SLC34A2: variants seen among roughly 807,000 people sequenced by gnomAD.
SLC34A2 encodes solute carrier family 34 member 2.
SLC34A2 carries 41 observed loss-of-function variants against 50.8 expected under a neutral mutation model. That is an observed-to-expected ratio of 0.81 (90% CI 0.63 to 1.05). The LOEUF is 1.05. Among genes scored for constraint, SLC34A2 ranks in the 50% least tolerant of loss-of-function variants. The probability of loss-of-function intolerance (pLI) is 0.00; values close to 1 mark genes in which losing one functional copy is unlikely to be tolerated. For missense variants in SLC34A2, 879 were observed against 876.7 expected (o/e 1.00, Z -0.03); for synonymous variants, 401 against 364.2 (o/e 1.10, Z -1.15).
chr4:25,664,385 G>A (rs537378197), intron 4 of SLC34A2, 55 bp downstream of exon 4: 100 of 1,605,412 alleles, frequency 6.2e-5, no homozygotes, highest in South Asian at 1.8e-4. Context: ...TTGAAATGTG[G>A]TTCCGAGAGT....
intron 1 of SLC34A2, among the ~76,000 whole-genome samples, chr4:25,661,352 T>C (rs987876511): frequency 6.6e-6 from 1 of 152,136 alleles, no homozygotes; most frequent in African/African-American, 2.4e-5. Flanking sequence ...GCCTGGGTGG[T>C]AGGTAAAACA....
In SLC34A2 at chr4:25,657,062, G is replaced by C. The variant is rs140475816; in HGVS notation, c.-4+1172G>C. ...GCTGATCATGATCTTCTCTGCTTTT[G>C]TAATTTGGGGAATGGGTGATAAGAA... On this transcript the variant is annotated intron_variant, in intron 1 of 12. Coordinates refer to ENST00000382051, the MANE Select transcript of SLC34A2 (RefSeq NM_006424.3). 4.9e-3 allele frequency among the ~76,000 whole-genome samples: 740 copies of C among 152,240 alleles called. 7 individuals carry two copies. The highest frequency in any genetic ancestry group is 0.017 in the African/African-American group (703 of 41,534).
Position 25,676,935 on chromosome 4 carries a change from C to T in SLC34A2, c.*186C>T. ...GGTAGGCCTGCAGGGCACTTTTATT[C>T]CAACCCCTGGTCACTCAGTAATCTT... On this transcript the variant is annotated 3_prime_UTR_variant, in exon 13 of 13. Coordinates refer to ENST00000382051, the MANE Select transcript of SLC34A2 (RefSeq NM_006424.3). 1.4e-6 allele frequency: 1 copy of T among 703,294 alleles called. No homozygotes were observed. The highest frequency in any genetic ancestry group is 2.4e-6 in the Non-Finnish European group (1 of 414,298). 43.6% of individuals were successfully genotyped at this position (703,294 alleles called of 1,614,324 possible). A position where few individuals can be genotyped will look rare whatever the true frequency, so the allele number is the denominator to read the frequency against.
intron 5 of SLC34A2, chr4:25,666,894 A>G (rs1714531481): frequency 6.6e-6 from 1 of 152,022 alleles, no homozygotes; most frequent in South Asian, 2.1e-4. Context: ...ACTGATTATT[A>G]TTATTTTTTT....
intron 1 of SLC34A2, among the ~76,000 whole-genome samples, chr4:25,662,162 G>A (rs1714225032): frequency 6.6e-6 from 1 of 152,152 alleles, no homozygotes; most frequent in African/African-American, 2.4e-5. Context: ...GTGAGCCACG[G>A]TGCCCGTTGC....
chr4:25,669,631 G>C lies in SLC34A2; in HGVS notation c.636-16G>C, dbSNP rs982977062. On this transcript the variant is annotated splice_polypyrimidine_tract_variant and intron_variant, in intron 6 of 12. Coordinates refer to ENST00000382051, the MANE Select transcript of SLC34A2 (RefSeq NM_006424.3). ...GCTTAGTGACTAATCTGGCTGTCGGGGTTTCCCTCCCATAGAGCTTTTGCA... is the reference window on the plus strand; with the variant it reads ...GCTTAGTGACTAATCTGGCTGTCGGCGTTTCCCTCCCATAGAGCTTTTGCA... 36 of 1,612,966 alleles carry C rather than the reference G, an allele frequency of 2.2e-5. No homozygotes were observed. The highest frequency in any genetic ancestry group is 2.8e-5 in the Non-Finnish European group (33 of 1,179,788).
chr4:25,666,007 GGCTGGACTCTGCAACCCACAGCCA>G, intron 4 of SLC34A2, 97 bp from the exon 5 acceptor site: 1 of 1,227,548 alleles, frequency 8.1e-7, no homozygotes, highest in South Asian at 1.2e-5. Flanking sequence ...CAGCGATGGA[GGCTGGACTCTGCAACCCACAGCCA>G]GCTGGCCTTG....
Position 25,661,895 on chromosome 4 carries a change from GGA to G in SLC34A2, c.-3-601_-3-600del, listed in dbSNP as rs1349733690. 8.1e-5 allele frequency among the ~76,000 whole-genome samples: 12 copies of G among 147,726 alleles called. No homozygotes were observed. In the Admixed American group the frequency reaches 8.1e-4, roughly 10 times the overall value. On this transcript the variant is annotated intron_variant, in intron 1 of 12. Transcript: ENST00000382051. ...TTTTCTTTTTTTTTTTTTTTGAGAA[GGA>G]GTTTCACTTTTGTCACCCAGGCTGG...
At chr4:25,664,071 CTT>C in intron 3 of SLC34A2, 129 bp from the exon 4 acceptor site, 1 of 896,838 alleles carries the variant, frequency 1.1e-6, no homozygotes, top group East Asian at 2.4e-5. Flanking sequence ...GACATAAGAA[CTT>C]AACGGCTGCC....
intron 6 of SLC34A2, among the ~76,000 whole-genome samples, chr4:25,668,655 AAAT>A (rs1553854579): frequency 6.9e-6 from 1 of 145,522 alleles, no homozygotes. Flanking sequence ...AAAAAAAAAA[AAAT>A]AAATAAATAC....
chr4:25,669,757 T>C lies in SLC34A2; in HGVS notation c.746T>C (p.Val249Ala). The C allele has an allele frequency of 6.2e-7, 1 of 1,614,138 alleles. No homozygotes were observed. Among genetic ancestry groups the C allele is most frequent in the Non-Finnish European group, 8.5e-7 (1 of 1,180,020 alleles). The change falls in exon 7 of 13, where the codon GTG (valine) becomes GCG (alanine). Residue 249 changes from valine (V) to alanine (A), a missense_variant. Transcript: ENST00000382051. The part of the protein sequence containing the change: ...HYLEIITQLI[V>A]ESFHFKNGED... ...CTCGAGATCATAACCCAGCTTATAG[T>C]GGAGAGCTTCCACTTCAAGAATGGA...
intron 1 of SLC34A2, among the ~76,000 whole-genome samples, chr4:25,658,325 G>C (rs1283141427): frequency 6.6e-6 from 1 of 152,186 alleles, no homozygotes; most frequent in East Asian, 1.9e-4. Flanking sequence ...TGTGAAGGCT[G>C]CCATTCTGAT....
Position 25,670,765 on chromosome 4 carries a change from G to T in SLC34A2, c.859G>T (p.Ala287Ser), listed in dbSNP as rs758895971. 16 of 1,613,808 alleles carry T rather than the reference G, an allele frequency of 9.9e-6. No homozygotes were observed. The highest frequency in any genetic ancestry group is 1.4e-5 in the Non-Finnish European group (16 of 1,179,862). The change falls in exon 8 of 13, where the codon GCA (alanine) becomes TCA (serine). Residue 287 changes from alanine (A) to serine (S), a missense_variant. Transcript: ENST00000382051. Reference protein sequence around the residue: ...QLDKKVISQIAMNDEKAKNKS... With the variant: ...QLDKKVISQISMNDEKAKNKS... ...GGATAAAAAAGTTATCAGCCAAATT[G>T]CAATGAACGATGAAAAAGCGAAAAA...
At chr4:25,664,962 G>A (rs908403596) in intron 4 of SLC34A2, 3 of 230,672 alleles carry the variant, frequency 1.3e-5, no homozygotes, top group Admixed American at 1.1e-4. Context: ...TCCCATTTAC[G>A]GAGAGATCAT....
chr4:25,666,053 C>A, intron 4 of SLC34A2, 75 bp from the exon 5 acceptor site: 1 of 1,586,256 alleles, frequency 6.3e-7, no homozygotes, highest in South Asian at 1.1e-5. Context: ...ATGGAGACTT[C>A]TGTTTACTCA....
chr4:25,659,196 A>G (rs990305779), intron 1 of SLC34A2, among the ~76,000 whole-genome samples: 1 of 152,054 alleles, frequency 6.6e-6, no homozygotes, highest in Non-Finnish European at 1.5e-5. Flanking sequence ...TCCTGACACC[A>G]GCTCCAGGTA....
intron 8 of SLC34A2, 76 bp downstream of exon 8, chr4:25,670,909 G>A: frequency 2.5e-6 from 3 of 1,218,692 alleles, no homozygotes; most frequent in East Asian, 2.5e-5. Flanking sequence ...TTGCCTTCAA[G>A]GAAGGTAAAT....
chr4:25,669,986 G>T, intron 7 of SLC34A2, 144 bp downstream of exon 7: 1 of 799,860 alleles, frequency 1.3e-6, no homozygotes, highest in Non-Finnish European at 2.1e-6. Context: ...ACTTTGGGAG[G>T]CCGAGGCAGG....
At chr4:25,670,856 G>A (rs368385667) in intron 8 of SLC34A2, 23 bp downstream of exon 8, 155 of 1,573,266 alleles carry the variant, frequency 9.9e-5, no homozygotes, top group African/African-American at 7.4e-4. Flanking sequence ...GAATATTCCC[G>A]GGGCGGGGAG....
Sources: gnomAD v4.1 joint callset for allele counts (sites outside exome capture counted in the v4.1 genomes callset) on GRCh38, gnomAD v4.1.1 for gene constraint, MANE v1.5 for transcripts, NCBI Gene and HGNC (gene_info 2026-07-23, HGNC 2026-07-21) for gene names.